Variants in RSRC2 observed in about 807,000 individuals in gnomAD.
RSRC2 encodes arginine and serine rich coiled-coil 2.
In RSRC2, 5 loss-of-function variants were observed where a neutral mutation model predicts 61.3. The observed-to-expected ratio is 0.08, with a 90% confidence interval of 0.04 to 0.17. The LOEUF is 0.17. Ranked by LOEUF, RSRC2 falls within the 10% of genes least tolerant of loss-of-function variation. RSRC2 has a pLI of 1.00. For synonymous variants in RSRC2, 202 were observed against 166.5 expected (o/e 1.21, Z -1.64); for missense variants, 381 against 518.8 (o/e 0.73, Z 2.58).
At chr12:122,518,719 A>G in intron 4 of RSRC2, 120 bp downstream of exon 4, 1 of 833,742 alleles carries the variant, frequency 1.2e-6, no homozygotes, top group Non-Finnish European at 1.9e-6. Context: ...CAAAACCACA[A>G]ACCCAAACAA....
Position 122,504,593 on chromosome 12 carries a change from C to T in RSRC2, c.*934G>A, listed in dbSNP as rs1958011757. ...GCAGTGAGCCGAGATTGTGCCACTG[C>T]ACCCAGTTTAGGCAACAGAGCAAGA... On this transcript the variant is annotated 3_prime_UTR_variant, in exon 10 of 10. Coordinates refer to ENST00000331738, the MANE Select transcript of RSRC2 (RefSeq NM_023012.6). 6.6e-6 allele frequency: 1 copy of T among 152,366 alleles called. No individual in the cohort carries two copies. Among genetic ancestry groups the T allele is most frequent in the Middle Eastern group, 3.4e-3 (1 of 292 alleles). The allele number at this position is 152,366 out of a possible 1,614,324, so 9.4% of individuals were successfully genotyped here. A position where few individuals can be genotyped will look rare whatever the true frequency, so the allele number is the denominator to read the frequency against.
At chr12:122,514,778 G>C in intron 6 of RSRC2, 6 of 1,006,050 alleles carry the variant, frequency 6.0e-6, no homozygotes, top group Non-Finnish European at 7.8e-6. Context: ...TCTTAGATGA[G>C]AAAATAATAG....
intron 3 of RSRC2, 115 bp downstream of exon 3, chr12:122,521,270 T>G (rs1451740319): frequency 1.6e-5 from 11 of 700,860 alleles, no homozygotes; most frequent in Non-Finnish European, 2.7e-5. Context: ...CCAATAAACC[T>G]TTTAAATTTC....
chr12:122,521,483 T>C, intron 2 of RSRC2, 55 bp from the exon 3 acceptor site: 1 of 1,496,186 alleles, frequency 6.7e-7, no homozygotes, highest in Non-Finnish European at 9.3e-7. Context: ...AAACATTTCA[T>C]CTTAAAAAAC....
At chr12:122,517,736 G>A (rs2137512524) in intron 4 of RSRC2, among the ~76,000 whole-genome samples, 1 of 151,960 alleles carries the variant, frequency 6.6e-6, no homozygotes. Context: ...TAATACTTTA[G>A]TTTATCTACT....
chr12:122,518,772 G>A (rs986945428), intron 4 of RSRC2, 67 bp downstream of exon 4: 20 of 1,274,626 alleles, frequency 1.6e-5, no homozygotes, highest in Non-Finnish European at 2.0e-5. Context: ...TTTGGGTGTT[G>A]CTGGGTCAAT....
Position 122,503,497 on chromosome 12 carries a change from A to G in RSRC2, c.*2030T>C, listed in dbSNP as rs1397231716. On this transcript the variant is annotated 3_prime_UTR_variant, in exon 10 of 10. Transcript: ENST00000331738. The stretch of plus-strand genomic sequence containing the variant: ...TTATTGGACAGTGCTGCTCTAGATG[A>G]GCAAAGTACAGGCTGTATCACTCAT... 2 of 152,224 alleles carry G rather than the reference A, an allele frequency of 1.3e-5. No homozygotes were observed. The highest frequency in any genetic ancestry group is 1.5e-5 in the Non-Finnish European group (1 of 68,040). The allele number at this position is 152,224 out of a possible 1,614,324, so 9.4% of individuals were successfully genotyped here.
In RSRC2 at chr12:122,504,639, CAAAA is replaced by C. The variant is rs920451684; in HGVS notation, c.*884_*887del. 1 of 152,242 alleles carries C rather than the reference CAAAA, an allele frequency of 6.6e-6. No individual in the cohort carries two copies. The highest frequency in any genetic ancestry group is 2.4e-5 in the African/African-American group (1 of 41,380). The allele number at this position is 152,242 out of a possible 1,614,324, so 9.4% of individuals were successfully genotyped here. ...CAAGATCCTGTCTCAAAAAAACAAACAAAAAAAATTTCTAATATTTTAATATTTT... is the reference window on the plus strand; with the variant it reads ...CAAGATCCTGTCTCAAAAAAACAAACAAAATTTCTAATATTTTAATATTTT... On this transcript the variant is annotated 3_prime_UTR_variant, in exon 10 of 10. Coordinates refer to ENST00000331738, the MANE Select transcript of RSRC2 (RefSeq NM_023012.6).
chr12:122,506,492 T>C, intron 9 of RSRC2: 1 of 203,566 alleles, frequency 4.9e-6, no homozygotes, highest in Non-Finnish European at 9.9e-6. Flanking sequence ...AGAACTGTGA[T>C]CCAGGGCTTT....
chr12:122,520,466 A>T, intron 3 of RSRC2: 1 of 1,103,900 alleles, frequency 9.1e-7, no homozygotes, highest in South Asian at 1.2e-5. Flanking sequence ...TTTAAGATAT[A>T]TTTAAGGGAA....
chr12:122,517,130 G>C, intron 5 of RSRC2, 97 bp downstream of exon 5: 3 of 1,534,032 alleles, frequency 2.0e-6, no homozygotes, highest in Admixed American at 3.6e-5. Context: ...TCTATAAATA[G>C]AATTGTGACT....
At position 122,505,456 on chromosome 12, in the gene RSRC2, G is replaced by A; in HGVS notation, c.*71C>T. ...ACCCATGCAAGCTAGAGTGCTAGCT[G>A]TTTGGTGAACAAGGACGTGACATCA... On this transcript the variant is annotated 3_prime_UTR_variant, in exon 10 of 10. Coordinates refer to ENST00000331738, the MANE Select transcript of RSRC2 (RefSeq NM_023012.6). The A allele has an allele frequency of 7.0e-7, 1 of 1,430,204 alleles. No individual in the cohort carries two copies. Among genetic ancestry groups the A allele is most frequent in the East Asian group, 2.3e-5 (1 of 43,684 alleles). 88.6% of individuals were successfully genotyped at this position (1,430,204 alleles called of 1,614,324 possible).
intron 2 of RSRC2, 62 bp from the exon 3 acceptor site, chr12:122,521,490 A>C: frequency 3.5e-6 from 5 of 1,441,976 alleles, no homozygotes; most frequent in Non-Finnish European, 3.9e-6. Context: ...TCATCTTAAA[A>C]AACTCTTAAT....
intron 6 of RSRC2, 95 bp downstream of exon 6, chr12:122,515,010 G>T: frequency 7.5e-7 from 1 of 1,340,236 alleles, no homozygotes. Flanking sequence ...TAAAGTATGT[G>T]AATCATTCTC....
intron 4 of RSRC2, 63 bp downstream of exon 4, chr12:122,518,776 G>T: frequency 1.5e-6 from 2 of 1,298,646 alleles, no homozygotes; most frequent in Non-Finnish European, 2.2e-6. Context: ...GGTGTTGCTG[G>T]GTCAATGAGA....
chr12:122,506,597 A>C, intron 9 of RSRC2: 1 of 416,398 alleles, frequency 2.4e-6, no homozygotes, highest in South Asian at 3.9e-5. Context: ...GTGACAGAGC[A>C]AGCAGAGCAA....
intron 7 of RSRC2, among the ~76,000 whole-genome samples, chr12:122,508,773 A>G (rs1427572441): frequency 3.9e-5 from 6 of 152,054 alleles, no homozygotes; most frequent in African/African-American, 1.2e-4. Flanking sequence ...CCTGACCAAC[A>G]TGGAGAAACC....
chr12:122,516,700 A>C (rs569067130), intron 5 of RSRC2, among the ~76,000 whole-genome samples: 10 of 152,054 alleles, frequency 6.6e-5, no homozygotes, highest in Non-Finnish European at 1.5e-4. Flanking sequence ...ACACAACTGA[A>C]TTTGTTTGTT....
chr12:122,504,253 C>T lies in RSRC2; in HGVS notation c.*1274G>A, dbSNP rs4237789. The T allele has an allele frequency of 0.32, 48,838 of 152,104 alleles. 10,412 individuals are homozygous for T. Among genetic ancestry groups the T allele is most frequent in the African/African-American group, 0.59 (24,651 of 41,448 alleles). The allele number at this position is 152,104 out of a possible 1,614,324, so 9.4% of individuals were successfully genotyped here. ...AGGAAAGCCAAACCTTATTACTTTG[C>T]TGTAACTGAAGTAAATTAACTTCAA... On this transcript the variant is annotated 3_prime_UTR_variant, in exon 10 of 10. Transcript: ENST00000331738.
Sources: allele counts gnomAD v4.1 joint callset (sites outside exome capture counted in the v4.1 genomes callset), GRCh38; gene constraint gnomAD v4.1.1; transcripts MANE v1.5; gene names NCBI Gene and HGNC (gene_info 2026-07-23, HGNC 2026-07-21).